The following KMT2C variants were observed in gnomAD, a reference collection of about 807,000 sequenced individuals.
The protein encoded by KMT2C is histone-lysine N-methyltransferase 2C.
KMT2C carries 88 observed loss-of-function variants against 507.9 expected under a neutral mutation model. The ratio of observed to expected loss-of-function variants is 0.17; its 90% CI spans 0.15 to 0.21. The LOEUF (loss-of-function observed/expected upper bound fraction) is 0.21, where lower values mean the gene tolerates loss of function less well. Ranked by LOEUF, KMT2C falls within the 10% of genes least tolerant of loss-of-function variation. The pLI is 1.00. For missense variants in KMT2C, 4,954 were observed against 5,957.8 expected, an observed-to-expected ratio of 0.83 and a Z score of 5.55; for synonymous variants, 2,049 against 2,080.8, an observed-to-expected ratio of 0.98 and a Z score of 0.42.
chr7:152,193,011 C>CA (rs1295790144), intron 31 of KMT2C, among the ~76,000 whole-genome samples: 1 of 151,906 alleles, frequency 6.6e-6, no homozygotes, highest in African/African-American at 2.4e-5. Flanking sequence ...CCCACCTCTG[C>CA]AAAAAATCAA....
chr7:152,310,171 T>C (rs1420502402), intron 5 of KMT2C, 96 bp from the exon 6 acceptor site: 8 of 779,162 alleles, frequency 1.0e-5, no homozygotes, highest in South Asian at 1.7e-5. Flanking sequence ...AACTCTAATA[T>C]GTAAATATAC....
In KMT2C at chr7:152,198,498, T is replaced by C. The variant is rs553136530; in HGVS notation, c.4273+781A>G. Among the ~76,000 whole-genome samples the C allele has an allele frequency of 9.9e-5, 15 of 152,222 alleles. No homozygotes were observed. The South Asian group carries it at 2.9e-3, about 29-fold the overall frequency. Reference sequence around the variant, plus strand: ...AAAAGGAAGCTTACCAAAAGAACAATGATTTACAATTGACAGAACCATAGG... The same window carrying C: ...AAAAGGAAGCTTACCAAAAGAACAACGATTTACAATTGACAGAACCATAGG... On this transcript the variant is annotated intron_variant, in intron 27 of 58. Coordinates refer to ENST00000262189, the MANE Select transcript of KMT2C (RefSeq NM_170606.3).
chr7:152,153,873 G>A (rs1395165236), intron 48 of KMT2C, 137 bp downstream of exon 48: 10 of 812,440 alleles, frequency 1.2e-5, no homozygotes, highest in Non-Finnish European at 1.8e-5. Context: ...TGAGAGGTCT[G>A]CAGTGAGCAT....
chr7:152,194,459 T>G lies in KMT2C; in HGVS notation c.4488A>C (p.Leu1496=), dbSNP rs1283603110. The part of the protein sequence containing the change: ...EQLDGILSPE[L]DKMVTDGAIL... The stretch of plus-strand genomic sequence containing the variant: ...TTTTACCATCTGTGACCATTTTGTC[T>G]AGTTCAGGACTGAGGATCCCATCTA... The change falls in exon 29 of 59, where the codon CTA becomes CTC. Residue 1496 remains leucine (L), a synonymous_variant. Transcript: ENST00000262189. 1 of 1,613,400 alleles carries G rather than the reference T, an allele frequency of 6.2e-7. No individual in the cohort carries two copies. The highest frequency in any genetic ancestry group is 8.5e-7 in the Non-Finnish European group (1 of 1,179,620).
intron 2 of KMT2C, among the ~76,000 whole-genome samples, chr7:152,339,150 A>G (rs920072877): frequency 5.3e-5 from 8 of 152,378 alleles, no homozygotes; most frequent in African/African-American, 1.9e-4. Context: ...TCAATACATT[A>G]GTATATTCTT....
At chr7:152,338,579 A>G (rs1268572272) in intron 2 of KMT2C, among the ~76,000 whole-genome samples, 3 of 152,186 alleles carry the variant, frequency 2.0e-5, no homozygotes, top group Non-Finnish European at 4.4e-5. Context: ...GTTCTCTCTC[A>G]AGTTTTCTCT....
chr7:152,247,264 T>G (rs2095486388), intron 14 of KMT2C, among the ~76,000 whole-genome samples: 1 of 152,138 alleles, frequency 6.6e-6, no homozygotes, highest in Non-Finnish European at 1.5e-5. Flanking sequence ...GAAATGGAAC[T>G]CATTCTTAAA....
intron 39 of KMT2C, among the ~76,000 whole-genome samples, chr7:152,171,997 C>A (rs1279157226): frequency 1.3e-5 from 2 of 152,232 alleles, no homozygotes; most frequent in Non-Finnish European, 1.5e-5. Flanking sequence ...TTACTGCTTA[C>A]ATGAAAGTAT....
At position 152,322,863 on chromosome 7, in the gene KMT2C, C is replaced by T. The variant is rs560597842; in HGVS notation, c.390-7525G>A. 3.9e-4 allele frequency among the ~76,000 whole-genome samples: 60 copies of T among 152,062 alleles called. 2 individuals carry two copies. In the South Asian group the frequency reaches 0.012, roughly 31 times the overall value. On this transcript the variant is annotated intron_variant, in intron 3 of 58. Coordinates refer to ENST00000262189, the MANE Select transcript of KMT2C (RefSeq NM_170606.3). ...TTAAAAAATGGGCAAAGGACCTGAACAGACATTTCTCAAAAGAACACATAC... is the reference window on the plus strand; with the variant it reads ...TTAAAAAATGGGCAAAGGACCTGAATAGACATTTCTCAAAAGAACACATAC...
chr7:152,146,552 G>C, intron 53 of KMT2C, 47 bp downstream of exon 53: 1 of 1,600,016 alleles, frequency 6.2e-7, no homozygotes, highest in African/African-American at 1.3e-5. Context: ...TGGTCACACT[G>C]AATCAGGAAA....
At chr7:152,179,334 T>C (rs532522859) in intron 37 of KMT2C, among the ~76,000 whole-genome samples, 1 of 152,216 alleles carries the variant, frequency 6.6e-6, no homozygotes, top group South Asian at 2.1e-4. Flanking sequence ...AGGTAGAAAT[T>C]TGGAGAGAGG....
chr7:152,318,626 C>CAAAAAA (rs67446037), intron 3 of KMT2C, among the ~76,000 whole-genome samples: 11 of 54,260 alleles, frequency 2.0e-4, no homozygotes, highest in East Asian at 4.4e-4. Flanking sequence ...GACTCCATCT[C>CAAAAAA]AAAAAAAAAA....
At chr7:152,369,066 T>C (rs1428829246) in intron 1 of KMT2C, among the ~76,000 whole-genome samples, 1 of 151,526 alleles carries the variant, frequency 6.6e-6, no homozygotes, top group East Asian at 1.9e-4. Context: ...CTCACACCTG[T>C]AATCCCAGCA....
chr7:152,221,085 G>A (rs566282790), intron 22 of KMT2C, among the ~76,000 whole-genome samples: 76 of 152,230 alleles, frequency 5.0e-4, no homozygotes, highest in Non-Finnish European at 8.2e-4. Flanking sequence ...GTGAAACCCT[G>A]TCTCTTCTAA....
In KMT2C at chr7:152,162,666, G is replaced by C. The variant is rs138353962; in HGVS notation, c.10911C>G (p.Ile3637Met). Residue 3637 changes from isoleucine (I) to methionine (M), a missense_variant, in exon 43 of 59, where the codon ATC becomes ATG. Ile to Met is a conservative substitution (Grantham distance 10, BLOSUM62 1). Transcript: ENST00000262189. The part of the protein sequence containing the change: ...SDITAPPTPG[I>M]SETTSTPAVS... ...CTGCAGGAGTAGAGGTAGTTTCTGA[G>C]ATGCCTGGAGTCGGTGGGGCAGTTA... 6.2e-7 allele frequency: 1 copy of C among 1,614,226 alleles called. No individual in the cohort carries two copies. Among genetic ancestry groups the C allele is most frequent in the Non-Finnish European group, 8.5e-7 (1 of 1,180,036 alleles).
intron 7 of KMT2C, 122 bp downstream of exon 7, chr7:152,273,583 T>A (rs943500881): frequency 1.5e-4 from 152 of 1,024,760 alleles, no homozygotes; most frequent in Non-Finnish European, 1.7e-4. Context: ...CCCTCAGATT[T>A]TAAAGATTAT....
chr7:152,135,596 C>T lies in KMT2C; in HGVS notation c.*1236G>A, dbSNP rs1457985941. On this transcript the variant is annotated 3_prime_UTR_variant, in exon 59 of 59. Transcript: ENST00000262189. ...AAGTTTCTGCTACATGATCCTATTA[C>T]GTTTACATGATTCTCTGTGGCTGAA... 2.7e-5 allele frequency: 6 copies of T among 225,120 alleles called. No homozygotes were observed. The highest frequency in any genetic ancestry group is 5.7e-5 in the Admixed American group (1 of 17,474). The allele number at this position is 225,120 out of a possible 1,614,324, so 13.9% of individuals were successfully genotyped here.
intron 52 of KMT2C, 87 bp from the exon 53 acceptor site, chr7:152,146,822 G>T: frequency 1.7e-6 from 2 of 1,157,722 alleles, no homozygotes; most frequent in Middle Eastern, 2.1e-4. Context: ...CACTCACAAG[G>T]ATTTACTAAT....
chr7:152,190,026 C>T (rs1029915168), intron 31 of KMT2C, among the ~76,000 whole-genome samples: 4 of 152,086 alleles, frequency 2.6e-5, no homozygotes, highest in Non-Finnish European at 4.4e-5. Context: ...CTCATAGAAG[C>T]GCAAACCCTA....
Sources: allele counts gnomAD v4.1 joint callset (sites outside exome capture counted in the v4.1 genomes callset), GRCh38; gene constraint gnomAD v4.1.1; transcripts MANE v1.5; gene names NCBI Gene and HGNC (gene_info 2026-07-23, HGNC 2026-07-21).